The following GOLM2 variants were observed in gnomAD, a reference collection of about 807,000 sequenced individuals.
GOLM2 encodes protein GOLM2.
In GOLM2, 26 loss-of-function variants were observed where a neutral mutation model predicts 55.9. The observed-to-expected ratio is 0.47, with a 90% CI of 0.34 to 0.65. The LOEUF (loss-of-function observed/expected upper bound fraction) is 0.65, where lower values mean the gene tolerates loss of function less well. GOLM2 is among the 30% of genes least tolerant of loss of function. The pLI, the probability that GOLM2 is intolerant of heterozygous loss-of-function variation, is 0.01. For missense variants in GOLM2, 486 were observed against 531.8 expected (o/e 0.91, Z 0.85); for synonymous variants, 165 against 194.6 (o/e 0.85, Z 1.27).
intron 1 of GOLM2, among the ~76,000 whole-genome samples, chr15:44,318,031 T>G (rs1001579702): frequency 5.9e-5 from 9 of 152,324 alleles, no homozygotes; most frequent in South Asian, 2.1e-4. Flanking sequence ...AAAGTCCAGA[T>G]AGTAAATACT....
Position 44,338,251 on chromosome 15 carries a change from G to A in GOLM2, c.736G>A (p.Gly246Ser), listed in dbSNP as rs945020542. ...TACTTGGGCAGAACAAATCAAAAGA[G>A]GTGGTGATGCAGGGATGCCTGGAAT... The part of the protein sequence containing the change: ...IPHGKEQIKR[G>S]GDAGMPGIEE... Residue 246 changes from glycine to serine, a missense_variant, in exon 6 of 10, where the codon GGT (glycine) becomes AGT (serine). By Grantham distance (56) the Gly-to-Ser change is moderately conservative. Transcript: ENST00000299957. 1.9e-6 allele frequency: 3 copies of A among 1,613,520 alleles called. No homozygotes were observed. Among genetic ancestry groups the A allele is most frequent in the East Asian group, 4.5e-5 (2 of 44,830 alleles).
At chr15:44,393,042 G>GA (rs1187045427) in intron 8 of GOLM2, among the ~76,000 whole-genome samples, 1 of 151,906 alleles carries the variant, frequency 6.6e-6, no homozygotes, top group African/African-American at 2.4e-5. Context: ...ATAAAGCACA[G>GA]AAAAGGAAAT....
intron 1 of GOLM2, among the ~76,000 whole-genome samples, chr15:44,300,691 A>G (rs994748555): frequency 6.6e-6 from 1 of 152,220 alleles, no homozygotes; most frequent in Non-Finnish European, 1.5e-5. Context: ...AACAGGAGGA[A>G]CTAGTCCTTA....
rs1416211436 is a variant in GOLM2 at position 44,326,946 on chromosome 15, C to G, written c.383-1739C>G. Reference sequence around the variant, plus strand: ...GTATTACAGGTGTGAGCCACCGTGCCCAGCCAACATCTGCTTTTTTTTTTT... The same window carrying G: ...GTATTACAGGTGTGAGCCACCGTGCGCAGCCAACATCTGCTTTTTTTTTTT... On this transcript the variant is annotated intron_variant, in intron 2 of 9. Transcript: ENST00000299957. Among the ~76,000 whole-genome samples, 4 of 150,798 alleles carry G rather than the reference C, an allele frequency of 2.7e-5. No homozygotes were observed. In the East Asian group the frequency reaches 7.9e-4, roughly 30 times the overall value.
intron 9 of GOLM2, among the ~76,000 whole-genome samples, chr15:44,412,934 CAG>C (rs1464488632): frequency 2.7e-5 from 4 of 150,550 alleles, no homozygotes; most frequent in African/African-American, 9.8e-5. Flanking sequence ...TCCTGGGAGA[CAG>C]AGGTTGCAGT....
At chr15:44,331,851 G>A (rs902146890) in intron 3 of GOLM2, 137 bp from the exon 4 acceptor site, 10 of 601,332 alleles carry the variant, frequency 1.7e-5, no homozygotes, top group African/African-American at 3.8e-5. Context: ...TGAGCTATTT[G>A]TATGCTCTGT....
At chr15:44,290,306 T>A (rs1257849489) in intron 1 of GOLM2, among the ~76,000 whole-genome samples, 1 of 152,242 alleles carries the variant, frequency 6.6e-6, no homozygotes, top group Non-Finnish European at 1.5e-5. Flanking sequence ...GGATAGTAGA[T>A]GCCTTTCTAT....
chr15:44,341,732 T>C (rs916963421), intron 6 of GOLM2, among the ~76,000 whole-genome samples: 8 of 148,608 alleles, frequency 5.4e-5, no homozygotes, highest in Non-Finnish European at 1.2e-4. Context: ...AGTTTCACTC[T>C]GTCGTCCAGC....
intron 8 of GOLM2, chr15:44,390,343 A>G (rs542201235): frequency 2.6e-5 from 4 of 152,334 alleles, no homozygotes; most frequent in African/African-American, 7.2e-5. Flanking sequence ...TTGAATAGAG[A>G]TAAGAATTTA....
chr15:44,345,212 C>T (rs1404655510), intron 6 of GOLM2, among the ~76,000 whole-genome samples: 1 of 151,924 alleles, frequency 6.6e-6, no homozygotes, highest in African/African-American at 2.4e-5. Context: ...CAGGTTCAAG[C>T]AATTCTCCTG....
intron 9 of GOLM2, chr15:44,403,266 G>A (rs1266036888): frequency 2.1e-5 from 11 of 533,942 alleles, no homozygotes; most frequent in Admixed American, 1.7e-4. Flanking sequence ...GGGTTCAAGC[G>A]ATTCTCCTGC....
intron 6 of GOLM2, among the ~76,000 whole-genome samples, chr15:44,341,008 GA>G (rs957522341): frequency 7.9e-5 from 12 of 151,014 alleles, no homozygotes; most frequent in African/African-American, 2.9e-4. Context: ...TAATATACCT[GA>G]AAAATGTATT....
In GOLM2 at chr15:44,379,749, C is replaced by G. The variant is rs142590512; in HGVS notation, c.862C>G (p.Leu288Val). ...QHESHQAISH[L>V]PTGQPLSPNM... Reference sequence around the variant, plus strand: ...TGAAAGTCATCAAGCAATCTCCCATCTTCCAACTGGACAACCTCTCTCCCC... The same window carrying G: ...TGAAAGTCATCAAGCAATCTCCCATGTTCCAACTGGACAACCTCTCTCCCC... Residue 288 changes from leucine to valine, a missense_variant, in exon 7 of 10, where the codon CTT becomes GTT. Leu to Val is a conservative substitution (Grantham distance 32, BLOSUM62 1). Transcript: ENST00000299957. 5 of 1,602,446 alleles carry G rather than the reference C, an allele frequency of 3.1e-6. No individual in the cohort carries two copies. Among genetic ancestry groups the G allele is most frequent in the Non-Finnish European group, 4.3e-6 (5 of 1,172,362 alleles).
intron 7 of GOLM2, 65 bp downstream of exon 7, chr15:44,379,853 T>C (rs887251266): frequency 2.5e-4 from 215 of 872,038 alleles, no homozygotes; most frequent in Non-Finnish European, 5.8e-5. Context: ...AGTTATATAG[T>C]GTATAAAATA....
At chr15:44,388,564 CT>C (rs1430724715) in intron 8 of GOLM2, among the ~76,000 whole-genome samples, 5 of 151,890 alleles carry the variant, frequency 3.3e-5, no homozygotes, top group Non-Finnish European at 5.9e-5. Context: ...GCCCCACCTC[CT>C]TGGGTGGCTG....
intron 1 of GOLM2, among the ~76,000 whole-genome samples, chr15:44,319,150 G>T (rs1000312069): frequency 3.9e-5 from 6 of 152,100 alleles, no homozygotes; most frequent in African/African-American, 7.2e-5. Flanking sequence ...CTATTTACTT[G>T]ACTCCCCTCC....
intron 6 of GOLM2, among the ~76,000 whole-genome samples, chr15:44,352,242 A>C (rs1224582444): frequency 6.6e-6 from 1 of 152,184 alleles, no homozygotes; most frequent in Non-Finnish European, 1.5e-5. Flanking sequence ...AATGAAACAG[A>C]ATAGAGAACC....
At chr15:44,392,976 G>T (rs553179348) in intron 8 of GOLM2, among the ~76,000 whole-genome samples, 3 of 152,164 alleles carry the variant, frequency 2.0e-5, no homozygotes, top group Admixed American at 6.6e-5. Context: ...TCTAGAAAAG[G>T]ATACCCACCA....
chr15:44,336,218 G>C (rs926663544), intron 4 of GOLM2, among the ~76,000 whole-genome samples: 1 of 151,864 alleles, frequency 6.6e-6, no homozygotes, highest in Non-Finnish European at 1.5e-5. Context: ...CCGGGTTTAC[G>C]CCATTCTCCT....
Sources: allele counts gnomAD v4.1 joint callset (sites outside exome capture counted in the v4.1 genomes callset), GRCh38; gene constraint gnomAD v4.1.1; transcripts MANE v1.5; gene names NCBI Gene and HGNC (gene_info 2026-07-23, HGNC 2026-07-21).